The following GALNT13 variants were observed in gnomAD, a reference collection of about 807,000 sequenced individuals.
GALNT13 encodes the protein polypeptide N-acetylgalactosaminyltransferase 13.
GALNT13 carries 28 observed loss-of-function variants against 64.2 expected under a neutral mutation model. The ratio of observed to expected loss-of-function variants is 0.44; its 90% confidence interval spans 0.32 to 0.60. GALNT13 has a LOEUF of 0.60. GALNT13 is among the 20% of genes least tolerant of loss of function. GALNT13 has a pLI of 0.05. For missense variants in GALNT13, 577 were observed against 669.8 expected (o/e 0.86, Z 1.53); for synonymous variants, 214 against 224.6 (o/e 0.95, Z 0.42).
the GALNT13 span, among the ~76,000 whole-genome samples, chr2:153,072,618 T>G: frequency 6.6e-6 from 1 of 152,186 alleles, no homozygotes; most frequent in Admixed American, 6.5e-5. Flanking sequence ...TCAGCAAGTA[T>G]ATCGCTGGAA....
chr2:154,312,767 G>C (rs1452017519), intron 9 of GALNT13, among the ~76,000 whole-genome samples: 7 of 152,002 alleles, frequency 4.6e-5, no homozygotes, highest in Non-Finnish European at 7.4e-5. Context: ...TTGTTTGTTT[G>C]ATTTTTAGTA....
At chr2:153,595,054 T>C in the GALNT13 span, among the ~76,000 whole-genome samples, 1 of 151,984 alleles carries the variant, frequency 6.6e-6, no homozygotes. Context: ...GAAATACAAC[T>C]GACATAATTC....
chr2:153,140,317 C>G, the GALNT13 span, among the ~76,000 whole-genome samples: 1 of 152,006 alleles, frequency 6.6e-6, no homozygotes, highest in Non-Finnish European at 1.5e-5. Flanking sequence ...TTGGCAGAGA[C>G]TTCACAGAGG....
the GALNT13 span, among the ~76,000 whole-genome samples, chr2:153,678,888 C>T: frequency 1.3e-5 from 2 of 152,008 alleles, no homozygotes; most frequent in African/African-American, 4.8e-5. Context: ...AATTCCCTCC[C>T]TATATGCTTC....
At chr2:154,086,774 A>G (rs1482796007) in intron 3 of GALNT13, among the ~76,000 whole-genome samples, 4 of 152,004 alleles carry the variant, frequency 2.6e-5, no homozygotes, top group South Asian at 2.1e-4. Flanking sequence ...ATACGCGCAC[A>G]CACACACACA....
intron 9 of GALNT13, among the ~76,000 whole-genome samples, chr2:154,327,542 C>A (rs2105182100): frequency 6.6e-6 from 1 of 152,042 alleles, no homozygotes; most frequent in African/African-American, 2.4e-5. Context: ...ATCCTTGGGC[C>A]CAACTCTATG....
At chr2:153,310,284 T>G in the GALNT13 span, among the ~76,000 whole-genome samples, 79 of 152,346 alleles carry the variant, frequency 5.2e-4, no homozygotes, top group African/African-American at 1.9e-3. Context: ...GTAAATTACA[T>G]TGATTTTTTT....
chr2:153,492,291 A>G, the GALNT13 span, among the ~76,000 whole-genome samples: 1 of 152,232 alleles, frequency 6.6e-6, no homozygotes, highest in Non-Finnish European at 1.5e-5. Flanking sequence ...AATTACCAAC[A>G]GCTACAAGAC....
chr2:154,288,666 G>A (rs1692418855), intron 8 of GALNT13, among the ~76,000 whole-genome samples: 1 of 152,168 alleles, frequency 6.6e-6, no homozygotes, highest in Non-Finnish European at 1.5e-5. Flanking sequence ...GATCCAGTGG[G>A]GCAGTGAAAT....
At chr2:153,849,123 A>G in the GALNT13 span, among the ~76,000 whole-genome samples, 1 of 152,176 alleles carries the variant, frequency 6.6e-6, no homozygotes, top group African/African-American at 2.4e-5. Flanking sequence ...TCAGAAATGT[A>G]AGGAAGTTTT....
At chr2:154,317,842 T>C (rs1464737892) in intron 9 of GALNT13, among the ~76,000 whole-genome samples, 2 of 151,986 alleles carry the variant, frequency 1.3e-5, no homozygotes, top group Non-Finnish European at 2.9e-5. Flanking sequence ...CTCTCTAGAA[T>C]GGACTAAGTG....
the GALNT13 span, among the ~76,000 whole-genome samples, chr2:153,841,579 T>A: frequency 6.6e-6 from 1 of 152,148 alleles, no homozygotes. Flanking sequence ...ACATAGCAAG[T>A]GGTCAAACCA....
intron 4 of GALNT13, among the ~76,000 whole-genome samples, chr2:154,164,136 A>C (rs1395085838): frequency 6.6e-6 from 1 of 152,142 alleles, no homozygotes; most frequent in Non-Finnish European, 1.5e-5. Context: ...TAGTGTAGGC[A>C]TTACATAGAA....
chr2:154,065,571 C>T (rs1700417427), intron 3 of GALNT13, among the ~76,000 whole-genome samples: 1 of 152,172 alleles, frequency 6.6e-6, no homozygotes. Context: ...GCATCTCTGC[C>T]TGGTAATCCA....
the GALNT13 span, among the ~76,000 whole-genome samples, chr2:153,818,529 C>T: frequency 1.3e-5 from 2 of 152,182 alleles, no homozygotes; most frequent in African/African-American, 2.4e-5. Context: ...CTGCACCTTG[C>T]CAGGCAGGGC....
intron 4 of GALNT13, among the ~76,000 whole-genome samples, chr2:154,189,669 G>A (rs942505050): frequency 4.6e-5 from 7 of 151,168 alleles, no homozygotes; most frequent in Non-Finnish European, 1.0e-4. Context: ...CAAATTAGAG[G>A]TTTACATAGA....
At chr2:154,141,252 T>G (rs902696500) in intron 4 of GALNT13, among the ~76,000 whole-genome samples, 1 of 152,120 alleles carries the variant, frequency 6.6e-6, no homozygotes, top group Non-Finnish European at 1.5e-5. Flanking sequence ...ACTATACACT[T>G]AGGTTATACT....
intron 1 of GALNT13, among the ~76,000 whole-genome samples, chr2:153,873,707 T>C (rs1272551253): frequency 6.6e-6 from 1 of 152,170 alleles, no homozygotes; most frequent in Non-Finnish European, 1.5e-5. Context: ...AGAGGTTTTA[T>C]TCGCAAGGCT....
intron 11 of GALNT13, chr2:154,436,897 TTTG>T (rs575743800): frequency 1.3e-3 from 200 of 152,016 alleles, no homozygotes; most frequent in African/African-American, 3.9e-3. Context: ...TTTTCTGGGT[TTTG>T]TTGTTGTTGT....
Sources: gnomAD v4.1 joint callset for allele counts (sites outside exome capture counted in the v4.1 genomes callset) on GRCh38, gnomAD v4.1.1 for gene constraint, MANE v1.5 for transcripts, NCBI Gene and HGNC (gene_info 2026-07-23, HGNC 2026-07-21) for gene names.